The following LINGO2 variants were observed in gnomAD, a reference collection of about 807,000 sequenced individuals.
LINGO2 encodes leucine-rich repeat and immunoglobulin-like domain-containing nogo receptor-interacting protein 2.
A neutral mutation model predicts 30.6 loss-of-function variants in LINGO2; 14 were observed. The observed-to-expected ratio is 0.46, with a 90% CI of 0.30 to 0.72. LINGO2 has a LOEUF of 0.72. Ranked by LOEUF, LINGO2 falls within the 30% of genes least tolerant of loss-of-function variation. The pLI, the probability that LINGO2 is intolerant of heterozygous loss-of-function variation, is 0.07. For synonymous variants in LINGO2, 317 were observed against 288.5 expected, an observed-to-expected ratio of 1.10 and a Z score of -1.00; for missense variants, 729 against 751.7, an observed-to-expected ratio of 0.97 and a Z score of 0.35.
At chr9:28,822,120 C>A in the LINGO2 span, among the ~76,000 whole-genome samples, 2 of 152,184 alleles carry the variant, frequency 1.3e-5, no homozygotes, top group East Asian at 3.9e-4. Flanking sequence ...GGTCCTTATG[C>A]CCTCCAGTCC....
At chr9:28,782,021 G>A in the LINGO2 span, among the ~76,000 whole-genome samples, 2,033 of 152,208 alleles carry the variant, frequency 0.013, 30 homozygotes, top group Non-Finnish European at 0.02. Context: ...TTTTTTGAAT[G>A]TTGGAATGAG....
chr9:28,524,602 A>T (rs2135409628), intron 1 of LINGO2, among the ~76,000 whole-genome samples: 1 of 152,178 alleles, frequency 6.6e-6, no homozygotes, highest in South Asian at 2.1e-4. Context: ...AAACCCAAAA[A>T]ATTAGCCAGG....
chr9:29,043,919 T>G, the LINGO2 span, among the ~76,000 whole-genome samples: 81 of 152,130 alleles, frequency 5.3e-4, 1 homozygote, highest in African/African-American at 1.9e-3. Context: ...GAAACCTGAG[T>G]TCAAGAAACC....
At chr9:28,357,462 C>T (rs1820265364) in intron 3 of LINGO2, among the ~76,000 whole-genome samples, 1 of 151,870 alleles carries the variant, frequency 6.6e-6, no homozygotes, top group African/African-American at 2.4e-5. Flanking sequence ...TCATCATAGA[C>T]ATGTTGGTTT....
the LINGO2 span, among the ~76,000 whole-genome samples, chr9:28,829,228 A>G: frequency 6.1e-3 from 924 of 152,250 alleles, 11 homozygotes; most frequent in African/African-American, 0.021. Context: ...TCAGGGGAAG[A>G]ATACCTTCCC....
At chr9:28,737,174 TAAAC>T in the LINGO2 span, among the ~76,000 whole-genome samples, 3 of 152,138 alleles carry the variant, frequency 2.0e-5, no homozygotes, top group African/African-American at 4.8e-5. Context: ...GAAAAGGTCA[TAAAC>T]AGACAGAGTG....
chr9:28,292,989 G>A (rs1324731487), intron 4 of LINGO2, among the ~76,000 whole-genome samples: 1 of 151,446 alleles, frequency 6.6e-6, no homozygotes, highest in African/African-American at 2.4e-5. Context: ...AGCCAGGATG[G>A]TCTTGATCTC....
chr9:28,047,124 T>C (rs1210993098), intron 4 of LINGO2, among the ~76,000 whole-genome samples: 1 of 152,122 alleles, frequency 6.6e-6, no homozygotes, highest in African/African-American at 2.4e-5. Flanking sequence ...TAACATGTGG[T>C]CAGTGACTCC....
the LINGO2 span, among the ~76,000 whole-genome samples, chr9:28,993,546 G>A: frequency 1.3e-4 from 20 of 151,488 alleles, no homozygotes; most frequent in Admixed American, 4.0e-4. Flanking sequence ...TACCAAAGCC[G>A]GGCAGAGACA....
chr9:28,387,808 C>T (rs1587594714), intron 2 of LINGO2, among the ~76,000 whole-genome samples: 1 of 152,086 alleles, frequency 6.6e-6, no homozygotes, highest in Admixed American at 6.6e-5. Context: ...CTGCGAAGGT[C>T]TGCAGCTTCA....
intron 4 of LINGO2, among the ~76,000 whole-genome samples, chr9:28,195,872 T>C (rs1181911531): frequency 6.6e-6 from 1 of 151,754 alleles, no homozygotes; most frequent in Non-Finnish European, 1.5e-5. Context: ...TGCTCATTTA[T>C]TGTATCAATG....
chr9:28,907,253 T>C, the LINGO2 span, among the ~76,000 whole-genome samples: 4 of 151,856 alleles, frequency 2.6e-5, no homozygotes, highest in African/African-American at 9.7e-5. Flanking sequence ...TTAAGTGAAA[T>C]GGTCAAGGAA....
At chr9:29,049,320 T>C in the LINGO2 span, among the ~76,000 whole-genome samples, 1 of 152,110 alleles carries the variant, frequency 6.6e-6, no homozygotes, top group Non-Finnish European at 1.5e-5. Flanking sequence ...CAGTAGCAAA[T>C]GCTGGGGAGG....
chr9:28,457,116 G>A (rs577774086), intron 2 of LINGO2, among the ~76,000 whole-genome samples: 2 of 152,174 alleles, frequency 1.3e-5, no homozygotes, highest in South Asian at 4.1e-4. Flanking sequence ...CAGTCAAGTT[G>A]TGCACATCAT....
At chr9:28,074,151 C>A (rs774832530) in intron 4 of LINGO2, among the ~76,000 whole-genome samples, 4 of 152,134 alleles carry the variant, frequency 2.6e-5, no homozygotes, top group Non-Finnish European at 5.9e-5. Context: ...TAGGCAATGA[C>A]AACTGCAGCA....
chr9:27,976,246 G>A (rs901065481), intron 5 of LINGO2, among the ~76,000 whole-genome samples: 18 of 152,008 alleles, frequency 1.2e-4, no homozygotes, highest in African/African-American at 2.9e-4. Flanking sequence ...TATATTTTAG[G>A]ACAGCAATTA....
At chr9:28,859,110 T>A in the LINGO2 span, among the ~76,000 whole-genome samples, 1 of 152,122 alleles carries the variant, frequency 6.6e-6, no homozygotes, top group Non-Finnish European at 1.5e-5. Flanking sequence ...TCTCTTTACA[T>A]CTTAGTTGTT....
At chr9:28,830,221 G>A in the LINGO2 span, among the ~76,000 whole-genome samples, 1 of 152,136 alleles carries the variant, frequency 6.6e-6, no homozygotes, top group Non-Finnish European at 1.5e-5. Flanking sequence ...GGAGAAAAAT[G>A]CTTGCTTCTT....
intron 5 of LINGO2, among the ~76,000 whole-genome samples, chr9:28,009,473 A>G (rs541169940): frequency 8.5e-5 from 13 of 152,236 alleles, no homozygotes; most frequent in African/African-American, 3.1e-4. Context: ...AATTATAAAT[A>G]TATAATAAAA....
Sources: allele counts gnomAD v4.1 joint callset (sites outside exome capture counted in the v4.1 genomes callset), GRCh38; gene constraint gnomAD v4.1.1; transcripts MANE v1.5; gene names NCBI Gene and HGNC (gene_info 2026-07-23, HGNC 2026-07-21).